Variants in PAPPA2 observed in about 807,000 individuals in gnomAD.
The protein encoded by PAPPA2 is pappalysin 2, also known as pappalysin-2.
In PAPPA2, 86 loss-of-function variants were observed where a neutral mutation model predicts 176.4. The observed-to-expected ratio is 0.49, with a 90% CI of 0.41 to 0.58. The LOEUF (loss-of-function observed/expected upper bound fraction) is 0.58. Among genes scored for constraint, PAPPA2 ranks in the 20% least tolerant of loss-of-function variants. PAPPA2 has a pLI of 0.00. For missense variants in PAPPA2, 2,073 were observed against 2,256.9 expected, an observed-to-expected ratio of 0.92 and a Z score of 1.65; for synonymous variants, 809 against 852.2, an observed-to-expected ratio of 0.95 and a Z score of 0.88.
At chr1:176,623,610 C>CTTTCTTTCTTTCTTT (rs1558479000) in intron 3 of PAPPA2, among the ~76,000 whole-genome samples, 4 of 95,636 alleles carry the variant, frequency 4.2e-5, no homozygotes, top group Admixed American at 9.7e-5. Flanking sequence ...TTCCTTCCTT[C>CTTTCTTTCTTTCTTT]CTTCCTTCCT....
intron 21 of PAPPA2, among the ~76,000 whole-genome samples, chr1:176,814,095 G>C (rs1330284716): frequency 6.6e-6 from 1 of 152,038 alleles, no homozygotes; most frequent in Non-Finnish European, 1.5e-5. Flanking sequence ...GATGGTTGTA[G>C]GTAGCAGTCT....
chr1:176,488,063 T>C (rs75963117), intron 1 of PAPPA2, among the ~76,000 whole-genome samples: 9,589 of 152,264 alleles, frequency 0.063, 414 homozygotes, highest in Non-Finnish European at 0.087. Context: ...TTCATGTTAT[T>C]ATTCTATTTT....
intron 12 of PAPPA2, among the ~76,000 whole-genome samples, chr1:176,737,215 C>A (rs1662459111): frequency 6.6e-6 from 1 of 151,892 alleles, no homozygotes; most frequent in Admixed American, 6.6e-5. Context: ...AAAAGAGAAA[C>A]CCTAGGCTCA....
At chr1:176,478,550 A>C (rs940256540) in intron 1 of PAPPA2, among the ~76,000 whole-genome samples, 2 of 152,262 alleles carry the variant, frequency 1.3e-5, no homozygotes, top group Non-Finnish European at 2.9e-5. Flanking sequence ...TCACAGCCTC[A>C]TGATAGTTAC....
chr1:176,839,996 G>T (rs1489019703), intron 21 of PAPPA2, among the ~76,000 whole-genome samples, 177 bp from the exon 22 acceptor site: 1 of 152,052 alleles, frequency 6.6e-6, no homozygotes, highest in African/African-American at 2.4e-5. Flanking sequence ...TGGACCTAGT[G>T]GTCTTGAGAT....
rs566776195 is a variant in PAPPA2 at position 176,562,841 on chromosome 1, G to A, written c.919+5600G>A. 3.3e-5 allele frequency among the ~76,000 whole-genome samples: 5 copies of A among 152,324 alleles called. No individual in the cohort carries two copies. The East Asian group carries it at 7.7e-4, about 24-fold the overall frequency. On this transcript the variant is annotated intron_variant, in intron 2 of 22. Coordinates refer to ENST00000367662, the MANE Select transcript of PAPPA2 (RefSeq NM_020318.3). ...CCCTCAAGAAGAGAGTAACATGGAG[G>A]GGCTGTATGATATCTGGTTTAAGAA...
intron 14 of PAPPA2, among the ~76,000 whole-genome samples, chr1:176,756,060 G>A (rs1168596540): frequency 6.6e-6 from 1 of 152,136 alleles, no homozygotes; most frequent in Non-Finnish European, 1.5e-5. Context: ...CCGGGTTCAA[G>A]CGATTCTCCT....
chr1:176,803,658 C>T (rs897469419), intron 21 of PAPPA2, among the ~76,000 whole-genome samples: 8 of 152,190 alleles, frequency 5.3e-5, no homozygotes, highest in African/African-American at 1.9e-4. Context: ...GCAGTGATTT[C>T]CTAATTGCTC....
chr1:176,607,118 G>A (rs1293721299), intron 3 of PAPPA2, among the ~76,000 whole-genome samples: 1 of 152,028 alleles, frequency 6.6e-6, no homozygotes, highest in Non-Finnish European at 1.5e-5. Context: ...TTGGGTGCAT[G>A]TGATATTTTG....
chr1:176,637,678 C>T (rs778276280), intron 3 of PAPPA2, among the ~76,000 whole-genome samples: 4 of 152,088 alleles, frequency 2.6e-5, no homozygotes, highest in Non-Finnish European at 5.9e-5. Context: ...GGGATCTAAT[C>T]CAAACTGTCT....
intron 3 of PAPPA2, among the ~76,000 whole-genome samples, chr1:176,610,640 T>TA (rs1489460356): frequency 6.6e-6 from 1 of 152,160 alleles, no homozygotes; most frequent in African/African-American, 2.4e-5. Flanking sequence ...CAGCAGGTTT[T>TA]ATGAGGAACA....
chr1:176,697,024 T>C (rs1417363149), intron 7 of PAPPA2, among the ~76,000 whole-genome samples: 4 of 152,198 alleles, frequency 2.6e-5, no homozygotes, highest in African/African-American at 9.7e-5. Context: ...AGATTTGCAT[T>C]TCATAAAGGG....
At chr1:176,666,604 T>A (rs34405608) in intron 3 of PAPPA2, among the ~76,000 whole-genome samples, 22,815 of 117,766 alleles carry the variant, frequency 0.19, 2,262 homozygotes, top group African/African-American at 0.29. Flanking sequence ...TGTGTGTGTG[T>A]GTGTGAGAGA....
At chr1:176,608,363 G>C (rs960186295) in intron 3 of PAPPA2, among the ~76,000 whole-genome samples, 4 of 152,136 alleles carry the variant, frequency 2.6e-5, no homozygotes, top group African/African-American at 9.7e-5. Context: ...TTAAATCTAT[G>C]CTGTGTTACT....
chr1:176,824,636 A>T (rs535255850), intron 21 of PAPPA2, among the ~76,000 whole-genome samples: 3 of 152,288 alleles, frequency 2.0e-5, no homozygotes, highest in Non-Finnish European at 2.9e-5. Flanking sequence ...CAATGTCCTC[A>T]TGTTTGCCTG....
intron 1 of PAPPA2, among the ~76,000 whole-genome samples, chr1:176,515,119 T>G (rs1269205168): frequency 6.6e-6 from 1 of 152,148 alleles, no homozygotes; most frequent in Admixed American, 6.5e-5. Flanking sequence ...AATATATACC[T>G]CCTAAGAGTA....
intron 10 of PAPPA2, among the ~76,000 whole-genome samples, chr1:176,709,225 G>A (rs1390027723): frequency 5.3e-5 from 8 of 152,040 alleles, no homozygotes; most frequent in African/African-American, 1.9e-4. Context: ...GTCTTAGTTT[G>A]AGGCAGTGTT....
intron 2 of PAPPA2, among the ~76,000 whole-genome samples, chr1:176,588,886 A>G (rs534443345): frequency 6.6e-6 from 1 of 152,338 alleles, no homozygotes; most frequent in East Asian, 1.9e-4. Flanking sequence ...ACAGGCACAC[A>G]GTCATTTGGT....
intron 1 of PAPPA2, among the ~76,000 whole-genome samples, chr1:176,486,686 C>G (rs897831817): frequency 6.6e-6 from 1 of 152,060 alleles, no homozygotes; most frequent in East Asian, 1.9e-4. Flanking sequence ...CTTTTTGAAA[C>G]CAGGTGAGCA....
Sources: gnomAD v4.1 joint callset for allele counts (sites outside exome capture counted in the v4.1 genomes callset) on GRCh38, gnomAD v4.1.1 for gene constraint, MANE v1.5 for transcripts, NCBI Gene and HGNC (gene_info 2026-07-23, HGNC 2026-07-21) for gene names.